The following CD300LB variants were observed in gnomAD, a reference collection of about 807,000 sequenced individuals.
The protein encoded by CD300LB is CD300 molecule like family member b, also known as CMRF35-like molecule 7.
A neutral mutation model predicts 20.8 loss-of-function variants in CD300LB; 18 were observed. That is an observed-to-expected ratio of 0.87 (90% CI 0.60 to 1.28). CD300LB has a LOEUF of 1.28. Among genes scored for constraint, CD300LB ranks in the 50% most tolerant of loss-of-function variants. The pLI is 0.00. For synonymous variants in CD300LB, 91 were observed against 91.3 expected (o/e 1.00, Z 0.02); for missense variants, 222 against 251.8 (o/e 0.88, Z 0.80).
In CD300LB at chr17:74,521,508, A is replaced by G; in HGVS notation, c.*1230T>C. The stretch of plus-strand genomic sequence containing the variant: ...TTTTCAGGCCCATCATTGGCCAGAG[A>G]CCTAAATTCAGTTCAAAGTCAGAGA... On this transcript the variant is annotated 3_prime_UTR_variant, in exon 4 of 4. Coordinates refer to ENST00000392621, the MANE Select transcript of CD300LB (RefSeq NM_174892.4). 1.0e-6 allele frequency: 1 copy of G among 985,400 alleles called. No individual in the cohort carries two copies. The highest frequency in any genetic ancestry group is 1.2e-6 in the Non-Finnish European group (1 of 829,932). 61.0% of individuals were successfully genotyped at this position (985,400 alleles called of 1,614,324 possible). A position where few individuals can be genotyped will look rare whatever the true frequency, so the allele number is the denominator to read the frequency against.
Position 74,525,891 on chromosome 17 carries a change from A to ACACGGT in CD300LB, c.221_226dup (p.Asp74_Arg75dup). The ACACGGT allele has an allele frequency of 6.2e-7, 1 of 1,614,190 alleles. No homozygotes were observed. The highest frequency in any genetic ancestry group is 8.5e-7 in the Non-Finnish European group (1 of 1,180,038). On this transcript the variant is annotated inframe_insertion, in exon 2 of 4. Transcript: ENST00000392621. ...GTCTTTCTGATTGTCCTTGATGGAC[A>ACACGGT]CACGGTCACTCTTCTCTCCTTGCTC... is the stretch of plus-strand genomic sequence containing the variant.
chr17:74,527,560 G>A (rs558975509), intron 1 of CD300LB, among the ~76,000 whole-genome samples: 2 of 152,354 alleles, frequency 1.3e-5, no homozygotes, highest in South Asian at 4.1e-4. Flanking sequence ...CTGCGAATAT[G>A]TCCCCTGACA....
chr17:74,524,088 T>G (rs955575825), intron 2 of CD300LB, among the ~76,000 whole-genome samples: 1 of 152,080 alleles, frequency 6.6e-6, no homozygotes, highest in African/African-American at 2.4e-5. Context: ...GAAAGGGGAC[T>G]CCAGAAGGCT....
chr17:74,526,825 C>G (rs1908050470), intron 1 of CD300LB, among the ~76,000 whole-genome samples: 1 of 152,242 alleles, frequency 6.6e-6, no homozygotes, highest in Non-Finnish European at 1.5e-5. Flanking sequence ...GGACACAGAG[C>G]TGGGAAAAGA....
At chr17:74,527,398 G>A (rs980837497) in intron 1 of CD300LB, among the ~76,000 whole-genome samples, 9 of 152,370 alleles carry the variant, frequency 5.9e-5, no homozygotes, top group African/African-American at 2.2e-4. Flanking sequence ...GTCTCTGCAG[G>A]GTGGAGAAAG....
At chr17:74,523,132 C>G (rs1392086518) in intron 3 of CD300LB, 3 of 561,006 alleles carry the variant, frequency 5.3e-6, no homozygotes, top group Non-Finnish European at 9.6e-6. Context: ...TTCTGGGACC[C>G]TCTTTGCCCA....
At chr17:74,523,281 AG>A in intron 3 of CD300LB, 1 of 530,290 alleles carries the variant, frequency 1.9e-6, no homozygotes, top group Non-Finnish European at 3.4e-6. Flanking sequence ...TGCACCACAG[AG>A]GGTGGTATCT....
At chr17:74,526,880 G>T (rs908487691) in intron 1 of CD300LB, among the ~76,000 whole-genome samples, 1 of 152,170 alleles carries the variant, frequency 6.6e-6, no homozygotes, top group Non-Finnish European at 1.5e-5. Flanking sequence ...ACACTGCGGG[G>T]GTACCCAGGG....
rs1907911450 is a variant in CD300LB, at chr17:74,522,485, C to G, written c.*253G>C. ...GGGACAGAGTCGTCCAGTGCTTGAG[C>G]TCCATCTCTACAGCTCCTGACCAAG... On this transcript the variant is annotated 3_prime_UTR_variant, in exon 4 of 4. Transcript: ENST00000392621. 3 of 1,243,264 alleles carry G rather than the reference C, an allele frequency of 2.4e-6. No individual in the cohort carries two copies. The highest frequency in any genetic ancestry group is 4.2e-5 in the South Asian group (2 of 48,190). The allele number at this position is 1,243,264 out of a possible 1,614,324, so 77.0% of individuals were successfully genotyped here.
In CD300LB at chr17:74,526,096, A is replaced by T. The variant is rs1358999796; in HGVS notation, c.41-19T>A. 1 of 1,609,180 alleles carries T rather than the reference A, an allele frequency of 6.2e-7. No homozygotes were observed. Among genetic ancestry groups the T allele is most frequent in the African/African-American group, 1.3e-5 (1 of 74,800 alleles). On this transcript the variant is annotated intron_variant, in intron 1 of 3. Coordinates refer to ENST00000392621, the MANE Select transcript of CD300LB (RefSeq NM_174892.4). ...AAACAGCCTGGAAAACAGAATCCCAAGATACAGCTCATTGCACCGGCACGA... is the reference window on the plus strand; with the variant it reads ...AAACAGCCTGGAAAACAGAATCCCATGATACAGCTCATTGCACCGGCACGA...
At position 74,522,082 on chromosome 17, in the gene CD300LB, A is replaced by T; in HGVS notation, c.*656T>A. The T allele has an allele frequency of 2.0e-6, 2 of 985,110 alleles. No individual in the cohort carries two copies. Among genetic ancestry groups the T allele is most frequent in the East Asian group, 1.1e-4 (1 of 8,758 alleles). 61.0% of individuals were successfully genotyped at this position (985,110 alleles called of 1,614,324 possible). On this transcript the variant is annotated 3_prime_UTR_variant, in exon 4 of 4. Coordinates refer to ENST00000392621, the MANE Select transcript of CD300LB (RefSeq NM_174892.4). Reference sequence around the variant, plus strand: ...GCAGGGAGCTTGGGGAGCTAGGAGGAGGAAGAGGTGGGAGGGGGAGGACAA... The same window carrying T: ...GCAGGGAGCTTGGGGAGCTAGGAGGTGGAAGAGGTGGGAGGGGGAGGACAA...
At chr17:74,529,028 G>A (rs1908118000) in intron 1 of CD300LB, among the ~76,000 whole-genome samples, 1 of 152,196 alleles carries the variant, frequency 6.6e-6, no homozygotes, top group African/African-American at 2.4e-5. Flanking sequence ...TGCTTGGGGG[G>A]CTGAGGTGGG....
intron 1 of CD300LB, among the ~76,000 whole-genome samples, chr17:74,528,492 C>G (rs375988823): frequency 3.2e-4 from 48 of 152,256 alleles, no homozygotes; most frequent in African/African-American, 1.1e-3. Context: ...TCAGCAGAAC[C>G]AACTTGATTC....
At chr17:74,528,119 C>T (rs1396983752) in intron 1 of CD300LB, among the ~76,000 whole-genome samples, 1 of 151,892 alleles carries the variant, frequency 6.6e-6, no homozygotes, top group African/African-American at 2.4e-5. Flanking sequence ...GGTAAACAAG[C>T]TTAGGGCTCC....
At chr17:74,523,433 G>C in intron 3 of CD300LB, 146 bp downstream of exon 3, 1 of 672,964 alleles carries the variant, frequency 1.5e-6, no homozygotes. Flanking sequence ...AGTGATGGGG[G>C]CAGGAGAGAG....
chr17:74,525,682 G>A (rs1182139344), intron 2 of CD300LB, 66 bp downstream of exon 2: 2 of 1,399,268 alleles, frequency 1.4e-6, no homozygotes, highest in East Asian at 2.3e-5. Flanking sequence ...AGGGGAGCAG[G>A]TAAGAGCACT....
At chr17:74,524,997 G>T (rs765376905) in intron 2 of CD300LB, among the ~76,000 whole-genome samples, 1 of 152,142 alleles carries the variant, frequency 6.6e-6, no homozygotes, top group African/African-American at 2.4e-5. Flanking sequence ...TTCTAAAGCC[G>T]GCATTGTCTA....
At chr17:74,527,330 A>T (rs573354053) in intron 1 of CD300LB, among the ~76,000 whole-genome samples, 1 of 152,238 alleles carries the variant, frequency 6.6e-6, no homozygotes, top group Non-Finnish European at 1.5e-5. Context: ...GCAGAGAATC[A>T]CAGGGGAAGC....
chr17:74,524,438 A>C (rs1315380154), intron 2 of CD300LB, among the ~76,000 whole-genome samples: 2 of 152,044 alleles, frequency 1.3e-5, no homozygotes, highest in African/African-American at 4.8e-5. Flanking sequence ...AAAATACAAA[A>C]TGAACCAGGC....
Sources: gnomAD v4.1 joint callset for allele counts (sites outside exome capture counted in the v4.1 genomes callset) on GRCh38, gnomAD v4.1.1 for gene constraint, MANE v1.5 for transcripts, NCBI Gene and HGNC (gene_info 2026-07-23, HGNC 2026-07-21) for gene names.